RNF8: variants seen among roughly 807,000 people sequenced by gnomAD.
The protein encoded by RNF8 is ring finger protein 8.
Under a neutral mutation model 59.3 loss-of-function variants are expected in RNF8, and 8 were observed. The ratio of observed to expected loss-of-function variants is 0.13; its 90% confidence interval spans 0.08 to 0.24. The LOEUF (loss-of-function observed/expected upper bound fraction) is 0.24, where lower values mean the gene tolerates loss of function less well. Ranked by LOEUF, RNF8 falls within the 10% of genes least tolerant of loss-of-function variation. RNF8 has a pLI of 1.00. For missense variants in RNF8, 406 were observed against 572.6 expected (o/e 0.71, Z 2.97); for synonymous variants, 162 against 200.0 (o/e 0.81, Z 1.60).
Position 37,374,806 on chromosome 6 carries a change from T to G in RNF8, c.1128+97T>G, listed in dbSNP as rs148233309. 12 of 817,616 alleles carry G rather than the reference T, an allele frequency of 1.5e-5. No homozygotes were observed. The African/African-American group carries it at 2.1e-4, about 14-fold the overall frequency. The allele number at this position is 817,616 out of a possible 1,614,324, so 50.6% of individuals were successfully genotyped here. ...TTGCTAGGGAAAATAAAGAGAGAAATTATGGCTGCTCCTTGCCTCTGGGGA... is the reference window on the plus strand; with the variant it reads ...TTGCTAGGGAAAATAAAGAGAGAAAGTATGGCTGCTCCTTGCCTCTGGGGA... On this transcript the variant is annotated intron_variant, in intron 5 of 7. Coordinates refer to ENST00000373479, the MANE Select transcript of RNF8 (RefSeq NM_003958.4).
intron 5 of RNF8, among the ~76,000 whole-genome samples, chr6:37,375,081 G>A (rs1769955644): frequency 6.6e-6 from 1 of 152,188 alleles, no homozygotes; most frequent in Non-Finnish European, 1.5e-5. Context: ...ACTTAATGCA[G>A]TTTCTTCCCA....
intron 7 of RNF8, among the ~76,000 whole-genome samples, chr6:37,383,446 G>A (rs913917772): frequency 1.3e-5 from 2 of 152,212 alleles, no homozygotes; most frequent in Non-Finnish European, 2.9e-5. Context: ...AACTAGGATT[G>A]GCAAGCCTGT....
At chr6:37,373,471 A>G (rs952369024) in intron 4 of RNF8, among the ~76,000 whole-genome samples, 2 of 152,072 alleles carry the variant, frequency 1.3e-5, no homozygotes, top group African/African-American at 4.8e-5. Flanking sequence ...CAGTGGTGCA[A>G]TCTCAGCTCA....
At chr6:37,389,511 C>T (rs1042034010) in intron 7 of RNF8, among the ~76,000 whole-genome samples, 16 of 151,688 alleles carry the variant, frequency 1.1e-4, no homozygotes, top group African/African-American at 2.7e-4. Flanking sequence ...TTTTTAAAGA[C>T]GAGATTTGAG....
At chr6:37,381,025 A>G (rs1161116746) in intron 6 of RNF8, 125 bp from the exon 7 acceptor site, 3 of 810,548 alleles carry the variant, frequency 3.7e-6, no homozygotes, top group Non-Finnish European at 4.2e-6. Context: ...AGCCCTTAAG[A>G]TGGGATTGTT....
At position 37,361,710 on chromosome 6, in the gene RNF8, G is replaced by A. The variant is rs979680435; in HGVS notation, c.240+1136G>A. ...CAGGTCTGCCTGCCATCCTCATATT[G>A]CGTGCATAAAACTGCTAGATTTAAG... On this transcript the variant is annotated intron_variant, in intron 2 of 7. Coordinates refer to ENST00000373479, the MANE Select transcript of RNF8 (RefSeq NM_003958.4). 3.9e-5 allele frequency among the ~76,000 whole-genome samples: 6 copies of A among 152,134 alleles called. No homozygotes were observed. The East Asian group carries it at 9.6e-4, about 24-fold the overall frequency.
chr6:37,377,061 C>CTTTTTTTT (rs35985063), intron 6 of RNF8, 28 bp downstream of exon 6: 28 of 257,988 alleles, frequency 1.1e-4, no homozygotes, highest in African/African-American at 4.2e-4. Context: ...CTCACCCCTT[C>CTTTTTTTT]TTTTTTTTTT....
chr6:37,391,288 C>G lies in RNF8; in HGVS notation c.*530C>G, dbSNP rs1770720549. ...CCTTCCTTCCCTTCCTGCTCCCAGA[C>G]AGTCTCACAAGTAAACACCAGCAGC... On this transcript the variant is annotated 3_prime_UTR_variant, in exon 8 of 8. Coordinates refer to ENST00000373479, the MANE Select transcript of RNF8 (RefSeq NM_003958.4). 6.2e-6 allele frequency: 1 copy of G among 161,998 alleles called. No individual in the cohort carries two copies. Among genetic ancestry groups the G allele is most frequent in the Non-Finnish European group, 1.3e-5 (1 of 74,134 alleles). 10.0% of individuals were successfully genotyped at this position (161,998 alleles called of 1,614,324 possible). A position where few individuals can be genotyped will look rare whatever the true frequency, so the allele number is the denominator to read the frequency against.
intron 7 of RNF8, among the ~76,000 whole-genome samples, chr6:37,387,435 G>A (rs1472552474): frequency 1.3e-5 from 2 of 152,122 alleles, no homozygotes; most frequent in African/African-American, 4.8e-5. Context: ...TCCGCCTCCT[G>A]GGCTCAAGCA....
At chr6:37,365,220 G>A (rs1769500595) in intron 2 of RNF8, among the ~76,000 whole-genome samples, 1 of 152,184 alleles carries the variant, frequency 6.6e-6, no homozygotes, top group African/African-American at 2.4e-5. Context: ...AATCTCAGAG[G>A]CGTTACACTA....
intron 2 of RNF8, among the ~76,000 whole-genome samples, chr6:37,363,987 G>A (rs967472444): frequency 6.6e-6 from 1 of 152,004 alleles, no homozygotes; most frequent in Non-Finnish European, 1.5e-5. Flanking sequence ...AGACCATCCT[G>A]GCTAACATGG....
At position 37,368,850 on chromosome 6, in the gene RNF8, T is replaced by G; in HGVS notation, c.607T>G (p.Leu203Val). 2 of 1,614,014 alleles carry G rather than the reference T, an allele frequency of 1.2e-6. No homozygotes were observed. Among genetic ancestry groups the G allele is most frequent in the Non-Finnish European group, 1.7e-6 (2 of 1,179,982 alleles). ...AGTGGCCAGTACACCCTCTGACAAT[T>G]TGGATCCTAAGTTGACTGCCCTTGA... is the stretch of plus-strand genomic sequence containing the variant. ...GEVASTPSDN[L>V]DPKLTALEPS... The change falls in exon 3 of 8, where the codon TTG (leucine) becomes GTG (valine). Residue 203 changes from leucine to valine, a missense_variant. By Grantham distance (32) the Leu-to-Val change is conservative (BLOSUM62 1). Coordinates refer to ENST00000373479, the MANE Select transcript of RNF8 (RefSeq NM_003958.4).
In RNF8 at chr6:37,360,691, C is replaced by G; in HGVS notation, c.240+117C>G. 9.7e-7 allele frequency: 1 copy of G among 1,027,170 alleles called. No individual in the cohort carries two copies. The highest frequency in any genetic ancestry group is 1.4e-6 in the Non-Finnish European group (1 of 732,750). 63.6% of individuals were successfully genotyped at this position (1,027,170 alleles called of 1,614,324 possible). A position where few individuals can be genotyped will look rare whatever the true frequency, so the allele number is the denominator to read the frequency against. ...AAAGTATAACTTCTTCTTTCCTAGC[C>G]ATCCAGTTCCCTTTTCCAGAGGCAG... is the stretch of plus-strand genomic sequence containing the variant. On this transcript the variant is annotated intron_variant, in intron 2 of 7. Coordinates refer to ENST00000373479, the MANE Select transcript of RNF8 (RefSeq NM_003958.4). The surrounding 1 kb of genome is among the most constrained non-coding windows in gnomAD (Gnocchi z 4.2).
At chr6:37,388,446 C>T (rs1770597119) in intron 7 of RNF8, among the ~76,000 whole-genome samples, 1 of 149,868 alleles carries the variant, frequency 6.7e-6, no homozygotes, top group Non-Finnish European at 1.5e-5. Flanking sequence ...AAGGACAGGC[C>T]AAGTTGAGAT....
chr6:37,389,879 G>A (rs189759464), intron 7 of RNF8, among the ~76,000 whole-genome samples: 28 of 152,188 alleles, frequency 1.8e-4, no homozygotes, highest in Non-Finnish European at 3.1e-4. Context: ...CACCTCAAAG[G>A]CTACCCAGAA....
rs1365448620 is a variant in RNF8 at position 37,390,937 on chromosome 6, C to A, written c.*179C>A. ...CCTTCCACGGTGGCCAGCCCTGCTG[C>A]CATCATTGGCTGAAGCACCACCAGG... On this transcript the variant is annotated 3_prime_UTR_variant, in exon 8 of 8. Coordinates refer to ENST00000373479, the MANE Select transcript of RNF8 (RefSeq NM_003958.4). 1 of 967,816 alleles carries A rather than the reference C, an allele frequency of 1.0e-6. No homozygotes were observed. Among genetic ancestry groups the A allele is most frequent in the African/African-American group, 1.6e-5 (1 of 62,524 alleles). The allele number at this position is 967,816 out of a possible 1,614,324, so 60.0% of individuals were successfully genotyped here. A position where few individuals can be genotyped will look rare whatever the true frequency, so the allele number is the denominator to read the frequency against.
At chr6:37,370,007 A>G (rs930759651) in intron 3 of RNF8, 1 of 152,206 alleles carries the variant, frequency 6.6e-6, no homozygotes, top group African/African-American at 2.4e-5. Flanking sequence ...TCAAAATGTC[A>G]TTTCCTATCT....
rs1335190096 is a variant in RNF8, at chr6:37,360,457, A to G, written c.123A>G (p.Gly41=). The change falls in exon 2 of 8, where the codon GGA becomes GGG. Residue 41 remains glycine (G), a synonymous_variant. Coordinates refer to ENST00000373479, the MANE Select transcript of RNF8 (RefSeq NM_003958.4). The surrounding 1 kb of genome is among the most constrained non-coding windows in gnomAD (Gnocchi z 4.2). ...LLEDGCEVTV[G]RGFGVTYQLV... is the part of the protein sequence containing the mutation. The stretch of plus-strand genomic sequence containing the variant: ...TTGTTGTCTCCCAGGTGACTGTAGG[A>G]CGAGGATTTGGTGTCACATACCAAC... 6.2e-7 allele frequency: 1 copy of G among 1,613,758 alleles called. No individual in the cohort carries two copies. Among genetic ancestry groups the G allele is most frequent in the Non-Finnish European group, 8.5e-7 (1 of 1,179,898 alleles).
Position 37,356,968 on chromosome 6 carries a change from G to T in RNF8, c.111+2693G>T, listed in dbSNP as rs555317490. On this transcript the variant is annotated intron_variant, in intron 1 of 7. Transcript: ENST00000373479. ...TGGCCAGGCTGGTCTCGAACTCCTGGCCTCATGTGATCCGCCCGCCTGGGC... is the reference window on the plus strand; with the variant it reads ...TGGCCAGGCTGGTCTCGAACTCCTGTCCTCATGTGATCCGCCCGCCTGGGC... Among the ~76,000 whole-genome samples, 27 of 152,244 alleles carry T rather than the reference G, an allele frequency of 1.8e-4. No homozygotes were observed. In the South Asian group the frequency reaches 5.6e-3, roughly 32 times the overall value.
Sources: gnomAD v4.1 joint callset for allele counts (sites outside exome capture counted in the v4.1 genomes callset) on GRCh38, gnomAD v4.1.1 for gene constraint, Gnocchi (gnomAD v3.1) non-coding constraint, MANE v1.5 for transcripts, NCBI Gene and HGNC (gene_info 2026-07-23, HGNC 2026-07-21) for gene names.